The following SLC4A5 variants were observed in gnomAD, a reference collection of about 807,000 sequenced individuals.
The protein encoded by SLC4A5 is solute carrier family 4 member 5.
SLC4A5 carries 96 observed loss-of-function variants against 120.4 expected under a neutral mutation model. The ratio of observed to expected loss-of-function variants is 0.80; its 90% CI spans 0.68 to 0.94. The LOEUF is 0.94. SLC4A5 is among the 40% of genes least tolerant of loss of function. SLC4A5 has a pLI of 0.00. For missense variants in SLC4A5, 1,259 were observed against 1,459.5 expected, an observed-to-expected ratio of 0.86 and a Z score of 2.24; for synonymous variants, 550 against 571.1, an observed-to-expected ratio of 0.96 and a Z score of 0.53.
intron 18 of SLC4A5, among the ~76,000 whole-genome samples, chr2:74,247,705 G>T (rs10175973): frequency 0.44 from 67,402 of 151,596 alleles, 15,333 homozygotes; most frequent in Middle Eastern, 0.48. Context: ...AGTAGAGACG[G>T]GGTTTTACCA....
intron 7 of SLC4A5, among the ~76,000 whole-genome samples, chr2:74,303,437 T>C (rs1342746886): frequency 6.6e-6 from 1 of 152,162 alleles, no homozygotes; most frequent in Non-Finnish European, 1.5e-5. Context: ...GAGCTATATA[T>C]AGTAGAAACC....
At position 74,226,836 on chromosome 2, in the gene SLC4A5, G is replaced by A. The variant is rs114793967; in HGVS notation, c.3090+121C>T. On this transcript the variant is annotated intron_variant, in intron 27 of 30. Transcript: ENST00000394019. The stretch of plus-strand genomic sequence containing the variant: ...CATTCTGTGCCAGCCTCCGTGACCC[G>A]AGGGAGCCAGGCCACAGCTGACAGG... The A allele has an allele frequency of 1.0e-3, 1,198 of 1,187,530 alleles. 5 individuals are homozygous for A. In the African/African-American group the frequency reaches 0.016, roughly 16 times the overall value. The allele number at this position is 1,187,530 out of a possible 1,614,324, so 73.6% of individuals were successfully genotyped here.
At chr2:74,244,882 C>T (rs1057332214) in intron 19 of SLC4A5, among the ~76,000 whole-genome samples, 2 of 152,204 alleles carry the variant, frequency 1.3e-5, no homozygotes, top group East Asian at 3.8e-4. Flanking sequence ...GAGGTGACAT[C>T]AGGCACCTGG....
chr2:74,341,422 T>C (rs906993526), intron 2 of SLC4A5, among the ~76,000 whole-genome samples: 3 of 152,360 alleles, frequency 2.0e-5, no homozygotes, highest in Middle Eastern at 3.4e-3. Flanking sequence ...ACATTAGCTT[T>C]AATTGTTAAT....
In SLC4A5 at chr2:74,342,550, G is replaced by A. The variant is rs1207675058; in HGVS notation, c.-346-16C>T. ...CCTGGGATGCCTGCTTGGAGGGAGG[G>A]TAAAACACCATTTCTCAGGGACAGA... On this transcript the variant is annotated splice_polypyrimidine_tract_variant and intron_variant, in intron 1 of 30. Coordinates refer to ENST00000394019, the Ensembl canonical transcript of SLC4A5. 6.6e-6 allele frequency: 1 copy of A among 152,134 alleles called. No individual in the cohort carries two copies. The highest frequency in any genetic ancestry group is 1.5e-5 in the Non-Finnish European group (1 of 68,032). The allele number at this position is 152,134 out of a possible 1,614,324, so 9.4% of individuals were successfully genotyped here.
intron 6 of SLC4A5, chr2:74,307,774 T>C (rs1488567987): frequency 3.4e-6 from 2 of 584,914 alleles, no homozygotes; most frequent in East Asian, 4.4e-5. Context: ...CTCTTTCTCG[T>C]TCTGGATGCC....
At chr2:74,326,021 C>T (rs2104327798) in intron 5 of SLC4A5, among the ~76,000 whole-genome samples, 1 of 152,244 alleles carries the variant, frequency 6.6e-6, no homozygotes, top group East Asian at 1.9e-4. Context: ...GTATGGGTTA[C>T]TGACAGTCTT....
intron 8 of SLC4A5, among the ~76,000 whole-genome samples, chr2:74,285,544 G>A (rs1362846938): frequency 6.6e-6 from 1 of 152,234 alleles, no homozygotes; most frequent in Non-Finnish European, 1.5e-5. Context: ...GAGTTTCATG[G>A]ATGACTGTTC....
chr2:74,340,348 T>A (rs1673596264), intron 2 of SLC4A5, among the ~76,000 whole-genome samples: 1 of 152,198 alleles, frequency 6.6e-6, no homozygotes, highest in Non-Finnish European at 1.5e-5. Context: ...GCACTTTTGT[T>A]CTCCAAATTC....
chr2:74,285,183 T>G (rs971870647), intron 8 of SLC4A5, among the ~76,000 whole-genome samples: 1 of 152,132 alleles, frequency 6.6e-6, no homozygotes, highest in African/African-American at 2.4e-5. Flanking sequence ...AGTTTGAGCC[T>G]GCGTGCAGTA....
At chr2:74,274,817 C>A (rs3771726) in intron 8 of SLC4A5, among the ~76,000 whole-genome samples, 92 of 152,198 alleles carry the variant, frequency 6.0e-4, no homozygotes, top group African/African-American at 2.0e-3. Flanking sequence ...ATTCTCTCCT[C>A]ATGGGCAGAT....
chr2:74,311,188 C>T (rs4263128), intron 6 of SLC4A5, among the ~76,000 whole-genome samples: 10,170 of 152,018 alleles, frequency 0.067, 453 homozygotes, highest in Middle Eastern at 0.11. Context: ...ATGTCTTCTC[C>T]CTTTTTTCCT....
chr2:74,294,968 G>C (rs1005318022), intron 7 of SLC4A5, among the ~76,000 whole-genome samples: 1 of 152,156 alleles, frequency 6.6e-6, no homozygotes, highest in African/African-American at 2.4e-5. Flanking sequence ...ACCATGCCTG[G>C]CCCTCTTTCA....
chr2:74,284,776 G>T (rs554614525), intron 8 of SLC4A5, among the ~76,000 whole-genome samples: 5 of 152,134 alleles, frequency 3.3e-5, no homozygotes, highest in African/African-American at 9.6e-5. Context: ...CCCTCCCTTG[G>T]CTCCTGCGAC....
chr2:74,270,052 C>A (rs1671424819), intron 8 of SLC4A5, among the ~76,000 whole-genome samples: 1 of 152,204 alleles, frequency 6.6e-6, no homozygotes, highest in African/African-American at 2.4e-5. Flanking sequence ...TGCATAAACA[C>A]TAAATTACTT....
exon 31 of SLC4A5, chr2:74,218,701 C>CT (rs749081632): frequency 6.5e-6 from 1 of 152,678 alleles, no homozygotes; most frequent in Non-Finnish European, 1.5e-5. Context: ...GACTCCATCT[C>CT]TATCTTCACC....
intron 7 of SLC4A5, among the ~76,000 whole-genome samples, chr2:74,298,689 T>A (rs1327021320): frequency 6.6e-6 from 1 of 152,184 alleles, no homozygotes; most frequent in Non-Finnish European, 1.5e-5. Context: ...AAGGGCTTCA[T>A]ACCCAAAATA....
At chr2:74,304,542 G>A (rs756824701) in exon 7 of SLC4A5, 4 of 1,613,992 alleles carry the variant, frequency 2.5e-6, no homozygotes, top group Non-Finnish European at 3.4e-6. Flanking sequence ...CCCACTCCCT[G>A]GGCCAGTCAG....
intron 5 of SLC4A5, among the ~76,000 whole-genome samples, chr2:74,323,164 C>T (rs1199384019): frequency 6.6e-6 from 1 of 152,062 alleles, no homozygotes; most frequent in Non-Finnish European, 1.5e-5. Context: ...CATTTGAACC[C>T]AGGAGGTGGA....
Sources: gnomAD v4.1 joint callset for allele counts (sites outside exome capture counted in the v4.1 genomes callset) on GRCh38, gnomAD v4.1.1 for gene constraint, MANE v1.5 for transcripts, NCBI Gene and HGNC (gene_info 2026-07-23, HGNC 2026-07-21) for gene names.